Variants in TRIM58 observed in about 807,000 individuals in gnomAD.
The protein encoded by TRIM58 is E3 ubiquitin-protein ligase TRIM58.
TRIM58 carries 38 observed loss-of-function variants against 34.1 expected under a neutral mutation model. The ratio of observed to expected loss-of-function variants is 1.12; its 90% CI spans 0.86 to 1.46. TRIM58 has a LOEUF of 1.46. TRIM58 is among the 40% of genes most tolerant of loss of function. The pLI is 0.00. For synonymous variants in TRIM58, 273 were observed against 275.7 expected (o/e 0.99, Z 0.10); for missense variants, 677 against 642.0 (o/e 1.05, Z -0.59).
In TRIM58 at chr1:247,858,319, G is replaced by A. The variant is rs138628991; in HGVS notation, c.420+653G>A. Among the ~76,000 whole-genome samples the A allele has an allele frequency of 2.5e-3, 385 of 152,228 alleles. 3 individuals carry two copies. The highest frequency in any genetic ancestry group is 9.1e-3 in the African/African-American group (377 of 41,540). On this transcript the variant is annotated intron_variant, in intron 1 of 5. Coordinates refer to ENST00000366481, the MANE Select transcript of TRIM58 (RefSeq NM_015431.4). ...CCCGGGAAGCTTCAAAGAGAAAGAAGAAAAACAAAATGGGAGTATTTGGTC... is the reference window on the plus strand; with the variant it reads ...CCCGGGAAGCTTCAAAGAGAAAGAAAAAAAACAAAATGGGAGTATTTGGTC...
At chr1:247,868,544 T>C (rs1310893110) in intron 5 of TRIM58, among the ~76,000 whole-genome samples, 1 of 152,172 alleles carries the variant, frequency 6.6e-6, no homozygotes, top group Non-Finnish European at 1.5e-5. Context: ...ACACTATCTA[T>C]CTGGAGATAG....
rs374781526 is a variant in TRIM58, at chr1:247,876,192, A to G, written c.1164A>G (p.Lys388=). The G allele has an allele frequency of 2.5e-6, 4 of 1,614,226 alleles. No individual in the cohort carries two copies. The highest frequency in any genetic ancestry group is 2.5e-6 in the Non-Finnish European group (3 of 1,180,044). ...ENGVWALWLL[K]GNEYMVLASP... The stretch of plus-strand genomic sequence containing the variant: ...GGGTCTGGGCCCTGTGGCTGCTGAA[A>G]GGGAATGAGTACATGGTCCTTGCCT... Residue 388 remains lysine (K), a synonymous_variant, in exon 6 of 6, where the codon AAA becomes AAG. Transcript: ENST00000366481.
chr1:247,857,690 T>C lies in TRIM58; in HGVS notation c.420+24T>C, dbSNP rs1246135342. The C allele has an allele frequency of 4.1e-6, 5 of 1,216,050 alleles. No homozygotes were observed. The African/African-American group carries it at 6.3e-5, about 15-fold the overall frequency. 75.3% of individuals were successfully genotyped at this position (1,216,050 alleles called of 1,614,324 possible). ...AGGTGAGGCGCCCCCCGGCGGGGGC[T>C]GCGGGCGCTGCGGTGACCGGGAAGC... On this transcript the variant is annotated intron_variant, in intron 1 of 5. Transcript: ENST00000366481.
chr1:247,857,412 G>A lies in TRIM58; in HGVS notation c.166G>A (p.Ala56Thr). 4 of 1,506,550 alleles carry A rather than the reference G, an allele frequency of 2.7e-6. No individual in the cohort carries two copies. Among genetic ancestry groups the A allele is most frequent in the South Asian group, 2.6e-5 (2 of 76,992 alleles). 93.3% of individuals were successfully genotyped at this position (1,506,550 alleles called of 1,614,324 possible). A position where few individuals can be genotyped will look rare whatever the true frequency, so the allele number is the denominator to read the frequency against. Residue 56 changes from alanine to threonine, a missense_variant, in exon 1 of 6, where the codon GCC becomes ACC. By Grantham distance (58) the Ala-to-Thr change is moderately conservative (BLOSUM62 0). Coordinates refer to ENST00000366481, the MANE Select transcript of TRIM58 (RefSeq NM_015431.4). Reference protein sequence around the residue: ...KSDGAQGGVYACPQCRGPFRP... With the variant: ...KSDGAQGGVYTCPQCRGPFRP... ...GGACGGCGCGCAGGGCGGCGTCTAC[G>A]CCTGTCCGCAGTGCCGGGGCCCCTT...
chr1:247,860,799 C>A, intron 2 of TRIM58, 87 bp downstream of exon 2: 1 of 1,074,030 alleles, frequency 9.3e-7, no homozygotes, highest in Non-Finnish European at 1.4e-6. Flanking sequence ...TTCCATTCTC[C>A]AGCACTTTTG....
rs1659337031 is a variant in TRIM58 at position 247,878,357 on chromosome 1, C to T, written c.*1868C>T. On this transcript the variant is annotated 3_prime_UTR_variant, in exon 6 of 6. Coordinates refer to ENST00000366481, the MANE Select transcript of TRIM58 (RefSeq NM_015431.4). ...TTGAAGTTCAAGATGTTTTTCTCTT[C>T]CAGGGAGATTTTTTCGACTGACATC... Among the ~76,000 whole-genome samples the T allele has an allele frequency of 6.6e-6, 1 of 152,078 alleles. No individual in the cohort carries two copies. The highest frequency in any genetic ancestry group is 2.4e-5 in the African/African-American group (1 of 41,418).
intron 1 of TRIM58, 93 bp downstream of exon 1, chr1:247,857,759 G>A (rs895705950): frequency 6.7e-6 from 8 of 1,192,340 alleles, no homozygotes; most frequent in South Asian, 4.3e-5. Context: ...CCCGTCTCCT[G>A]AGCGGCTCCC....
In TRIM58 at chr1:247,864,853, T is replaced by A; in HGVS notation, c.665T>A (p.Leu222Gln). The A allele has an allele frequency of 1.2e-6, 2 of 1,612,510 alleles. No individual in the cohort carries two copies. The highest frequency in any genetic ancestry group is 1.7e-6 in the Non-Finnish European group (2 of 1,179,704). The change falls in exon 3 of 6, where the codon CTG (leucine) becomes CAG (glutamine). Residue 222 changes from leucine (L) to glutamine (Q), a missense_variant. Leu to Gln is a moderately radical substitution (Grantham distance 113). Coordinates refer to ENST00000366481, the MANE Select transcript of TRIM58 (RefSeq NM_015431.4). ...AGACTGCGGGAGAGCAAGAGCCGGCTGGTCCAGCAGAGCAAGGCCCTGAAG... is the reference window on the plus strand; with the variant it reads ...AGACTGCGGGAGAGCAAGAGCCGGCAGGTCCAGCAGAGCAAGGCCCTGAAG... The part of the protein sequence containing the change: ...LQRLRESKSR[L>Q]VQQSKALKEL...
chr1:247,870,151 G>A (rs72774606), intron 5 of TRIM58, among the ~76,000 whole-genome samples: 6,140 of 152,244 alleles, frequency 0.04, 168 homozygotes, highest in Non-Finnish European at 0.061. Flanking sequence ...TTAGAATAAA[G>A]CTTCTTACAG....
In TRIM58 at chr1:247,864,835, G is replaced by A. The variant is rs199978833; in HGVS notation, c.647G>A (p.Arg216Gln). ...GAGCGAGCGACGCTGCAGAGACTGC[G>A]GGAGAGCAAGAGCCGGCTGGTCCAG... The part of the protein sequence containing the change: ...AEERATLQRL[R>Q]ESKSRLVQQS... Residue 216 changes from arginine to glutamine, a missense_variant, in exon 3 of 6, where the codon CGG (arginine) becomes CAG (glutamine). Arg to Gln is a conservative substitution (Grantham distance 43, BLOSUM62 1). Transcript: ENST00000366481. The A allele has an allele frequency of 1.2e-5, 20 of 1,613,374 alleles. No individual in the cohort carries two copies. In the Admixed American group the frequency reaches 2.3e-4, roughly 19 times the overall value.
chr1:247,868,980 A>G (rs566114647), intron 5 of TRIM58, among the ~76,000 whole-genome samples: 2 of 151,984 alleles, frequency 1.3e-5, no homozygotes, highest in East Asian at 3.9e-4. Context: ...GCTCACTGCA[A>G]CCTCCACCTC....
At chr1:247,865,336 T>G (rs1010410297) in intron 3 of TRIM58, among the ~76,000 whole-genome samples, 1 of 152,204 alleles carries the variant, frequency 6.6e-6, no homozygotes, top group Non-Finnish European at 1.5e-5. Flanking sequence ...TTCTGAAAAC[T>G]TAAACAGCTA....
intron 3 of TRIM58, 120 bp downstream of exon 3, chr1:247,865,055 AT>A: frequency 1.1e-6 from 1 of 918,224 alleles, no homozygotes; most frequent in Non-Finnish European, 1.6e-6. Flanking sequence ...GCACCCTCAA[AT>A]TTACTCAGAA....
chr1:247,863,405 C>T (rs968227688), intron 2 of TRIM58, among the ~76,000 whole-genome samples: 1 of 151,840 alleles, frequency 6.6e-6, no homozygotes, highest in African/African-American at 2.4e-5. Context: ...GGGCATGGTG[C>T]TGCGTGCCTG....
At chr1:247,858,472 A>T (rs889512033) in intron 1 of TRIM58, among the ~76,000 whole-genome samples, 9 of 152,210 alleles carry the variant, frequency 5.9e-5, no homozygotes, top group African/African-American at 1.9e-4. Flanking sequence ...GAGGAGGTCT[A>T]AGTCGTCTTT....
chr1:247,864,118 T>C (rs761961531), intron 2 of TRIM58, among the ~76,000 whole-genome samples: 8 of 152,136 alleles, frequency 5.3e-5, no homozygotes, highest in Non-Finnish European at 1.2e-4. Context: ...TTAATAGATA[T>C]TTAGCTGTAA....
rs1663669143 is a variant in TRIM58, at chr1:247,857,649, G to A, written c.403G>A (p.Ala135Thr). 1.6e-6 allele frequency: 2 copies of A among 1,233,294 alleles called. No homozygotes were observed. Among genetic ancestry groups the A allele is most frequent in the Admixed American group, 4.3e-5 (1 of 23,336 alleles). The allele number at this position is 1,233,294 out of a possible 1,614,324, so 76.4% of individuals were successfully genotyped here. Residue 135 changes from alanine (A) to threonine (T), a missense_variant, in exon 1 of 6, where the codon GCC (alanine) becomes ACC (threonine). Physicochemically the swap from Ala to Thr is moderately conservative, Grantham distance 58 (BLOSUM62 0). Coordinates refer to ENST00000366481, the MANE Select transcript of TRIM58 (RefSeq NM_015431.4). ...GCACCGCACGGCGCCGCTGCAGGAG[G>A]CCGCCGGCAGCTACCAGGTGAGGCG... ...RTHRTAPLQEAAGSYQVKLQM... is the reference protein window; with the variant it reads ...RTHRTAPLQETAGSYQVKLQM...
intron 2 of TRIM58, among the ~76,000 whole-genome samples, chr1:247,861,349 G>A (rs1263989707): frequency 6.6e-6 from 1 of 152,052 alleles, no homozygotes; most frequent in Non-Finnish European, 1.5e-5. Flanking sequence ...TGCAATTTCT[G>A]GAGATGATAT....
At chr1:247,861,433 C>T (rs915153768) in intron 2 of TRIM58, among the ~76,000 whole-genome samples, 1 of 152,148 alleles carries the variant, frequency 6.6e-6, no homozygotes, top group Non-Finnish European at 1.5e-5. Context: ...TGCAGCTTAA[C>T]ACCCTGTAGT....
Sources: gnomAD v4.1 joint callset for allele counts (sites outside exome capture counted in the v4.1 genomes callset) on GRCh38, gnomAD v4.1.1 for gene constraint, MANE v1.5 for transcripts, NCBI Gene and HGNC (gene_info 2026-07-23, HGNC 2026-07-21) for gene names.